NKAIN3: variants seen among roughly 807,000 people sequenced by gnomAD.
NKAIN3 encodes sodium/potassium-transporting ATPase subunit beta-1-interacting protein 3.
A neutral mutation model predicts 30.2 loss-of-function variants in NKAIN3; 25 were observed. The observed-to-expected ratio is 0.83, with a 90% CI of 0.60 to 1.16. The LOEUF (loss-of-function observed/expected upper bound fraction) is 1.16, where lower values mean the gene tolerates loss of function less well. Among genes scored for constraint, NKAIN3 ranks in the 50% most tolerant of loss-of-function variants. The probability of loss-of-function intolerance (pLI) is 0.00; values close to 1 mark genes in which losing one functional copy is unlikely to be tolerated. For missense variants in NKAIN3, 225 were observed against 254.1 expected (o/e 0.89, Z 0.78); for synonymous variants, 91 against 89.6 (o/e 1.02, Z -0.09).
At chr8:62,463,815 A>G (rs1332195848) in intron 1 of NKAIN3, among the ~76,000 whole-genome samples, 1 of 152,228 alleles carries the variant, frequency 6.6e-6, no homozygotes, top group Non-Finnish European at 1.5e-5. Flanking sequence ...AAAGATTAAC[A>G]ATAAATAAAG....
chr8:62,538,892 C>T (rs1459935018), intron 1 of NKAIN3, among the ~76,000 whole-genome samples: 2 of 152,118 alleles, frequency 1.3e-5, no homozygotes, highest in Non-Finnish European at 2.9e-5. Flanking sequence ...AATGCCATTG[C>T]TTACCACTTT....
chr8:62,767,641 T>C (rs1195349682), intron 4 of NKAIN3, among the ~76,000 whole-genome samples: 1 of 152,176 alleles, frequency 6.6e-6, no homozygotes, highest in Non-Finnish European at 1.5e-5. Flanking sequence ...CTTCTGAGTA[T>C]TTTTCATTTA....
chr8:62,588,060 C>T (rs2130096919), intron 2 of NKAIN3, among the ~76,000 whole-genome samples: 1 of 151,930 alleles, frequency 6.6e-6, no homozygotes, highest in Non-Finnish European at 1.5e-5. Context: ...TTTAATATTG[C>T]TTTATTTTAT....
intron 1 of NKAIN3, among the ~76,000 whole-genome samples, chr8:62,465,683 C>T (rs1806141256): frequency 6.6e-6 from 1 of 152,188 alleles, no homozygotes; most frequent in South Asian, 2.1e-4. Context: ...GCAGTTCCTG[C>T]TCTTGGTCTA....
At chr8:62,997,861 T>C (rs1804156656) in intron 5 of NKAIN3, among the ~76,000 whole-genome samples, 1 of 151,956 alleles carries the variant, frequency 6.6e-6, no homozygotes, top group Admixed American at 6.6e-5. Flanking sequence ...CAGAACCTCA[T>C]AAAAATAAAA....
chr8:62,944,962 G>T (rs1257809950), intron 5 of NKAIN3, among the ~76,000 whole-genome samples: 1 of 152,086 alleles, frequency 6.6e-6, no homozygotes, highest in Non-Finnish European at 1.5e-5. Flanking sequence ...ATACAAGAAT[G>T]GGAAGAAATT....
At chr8:62,915,069 A>G (rs1384535319) in intron 4 of NKAIN3, among the ~76,000 whole-genome samples, 2 of 152,042 alleles carry the variant, frequency 1.3e-5, no homozygotes, top group African/African-American at 4.8e-5. Context: ...GTTCCTGTGT[A>G]AGACTTAAGC....
chr8:62,550,351 C>G lies in NKAIN3; in HGVS notation c.55-29188C>G, dbSNP rs144479564. Among the ~76,000 whole-genome samples the G allele has an allele frequency of 2.0e-5, 3 of 152,266 alleles. No individual in the cohort carries two copies. The East Asian group carries it at 5.8e-4, about 29-fold the overall frequency. On this transcript the variant is annotated intron_variant, in intron 1 of 6. Coordinates refer to ENST00000623646, the MANE Select transcript of NKAIN3 (RefSeq NM_001304533.3). The stretch of plus-strand genomic sequence containing the variant: ...GCTTTATCATTTGGAGACTTATCAC[C>G]CTTACTAGATTTTAAGTTCTTTTAG...
chr8:62,887,664 T>C (rs1326648510), intron 4 of NKAIN3, among the ~76,000 whole-genome samples: 1 of 152,220 alleles, frequency 6.6e-6, no homozygotes, highest in Non-Finnish European at 1.5e-5. Context: ...TCTAGTCTAG[T>C]AATGAGCCCA....
intron 1 of NKAIN3, among the ~76,000 whole-genome samples, chr8:62,356,499 C>G (rs1056248803): frequency 2.6e-5 from 4 of 152,174 alleles, no homozygotes; most frequent in Admixed American, 2.6e-4. Context: ...ACCTAAATTT[C>G]AAACCTGGAA....
intron 1 of NKAIN3, among the ~76,000 whole-genome samples, chr8:62,448,976 C>T (rs1805563659): frequency 6.6e-6 from 1 of 151,840 alleles, no homozygotes; most frequent in African/African-American, 2.4e-5. Flanking sequence ...TTTAGGATTT[C>T]CAAGCTATGT....
intron 3 of NKAIN3, among the ~76,000 whole-genome samples, chr8:62,714,031 T>G (rs1195426809): frequency 6.6e-6 from 1 of 152,168 alleles, no homozygotes; most frequent in Admixed American, 6.5e-5. Flanking sequence ...TTGTATTGGA[T>G]GTTTCATCGA....
intron 1 of NKAIN3, among the ~76,000 whole-genome samples, chr8:62,578,653 T>TTTG (rs1195860512): frequency 3.7e-5 from 4 of 107,920 alleles, no homozygotes; most frequent in Non-Finnish European, 6.8e-5. Context: ...GAAGGTTTTT[T>TTTG]TTGTTTTTTG....
intron 1 of NKAIN3, among the ~76,000 whole-genome samples, chr8:62,548,546 C>T (rs1362415814): frequency 1.2e-4 from 18 of 152,006 alleles, no homozygotes; most frequent in Admixed American, 1.2e-3. Context: ...GTCCTGGGCA[C>T]CTTTAAGTGC....
chr8:62,803,660 C>A (rs1353151467), intron 4 of NKAIN3, among the ~76,000 whole-genome samples: 3 of 152,010 alleles, frequency 2.0e-5, no homozygotes, highest in Non-Finnish European at 2.9e-5. Context: ...CAAGAGAAAG[C>A]AGGAAAGATC....
chr8:62,804,477 G>GATGCAAGGCTGGTTCAATAT (rs1818198542), intron 4 of NKAIN3, among the ~76,000 whole-genome samples: 1 of 152,152 alleles, frequency 6.6e-6, no homozygotes, highest in Non-Finnish European at 1.5e-5. Flanking sequence ...TCATCCCTAG[G>GATGCAAGGCTGGTTCAATAT]ATGCAAGGCT....
intron 1 of NKAIN3, among the ~76,000 whole-genome samples, chr8:62,490,090 A>G (rs2129601492): frequency 6.6e-6 from 1 of 152,366 alleles, no homozygotes; most frequent in Non-Finnish European, 1.5e-5. Context: ...TAACTATGAT[A>G]GTCTTTCTGG....
At chr8:62,729,024 C>CAAAAA (rs71501600) in intron 3 of NKAIN3, among the ~76,000 whole-genome samples, 1 of 16,450 alleles carries the variant, frequency 6.1e-5, no homozygotes, top group East Asian at 1.1e-3. Context: ...ACAAACAAAC[C>CAAAAA]AAAAAAAAAA....
rs1823694123 is a variant in NKAIN3, at chr8:62,965,714, A to G, written c.*307A>G. The G allele has an allele frequency of 2.0e-6, 2 of 984,342 alleles. No homozygotes were observed. The highest frequency in any genetic ancestry group is 4.7e-5 in the South Asian group (1 of 21,270). 61.0% of individuals were successfully genotyped at this position (984,342 alleles called of 1,614,324 possible). A position where few individuals can be genotyped will look rare whatever the true frequency, so the allele number is the denominator to read the frequency against. On this transcript the variant is annotated 3_prime_UTR_variant, in exon 7 of 7. Coordinates refer to ENST00000623646, the MANE Select transcript of NKAIN3 (RefSeq NM_001304533.3). ...CAAAATGAAAAAGCAAATCTGTGAA[A>G]ACCTTCTACAGTCAATTCTAAGAGA...
Sources: gnomAD v4.1 joint callset for allele counts (sites outside exome capture counted in the v4.1 genomes callset) on GRCh38, gnomAD v4.1.1 for gene constraint, MANE v1.5 for transcripts, NCBI Gene and HGNC (gene_info 2026-07-23, HGNC 2026-07-21) for gene names.